The following SAXO1 variants were observed in gnomAD, a reference collection of about 807,000 sequenced individuals.
SAXO1 encodes the protein stabilizer of axonemal microtubules 1.
Under a neutral mutation model 17.5 loss-of-function variants are expected in SAXO1, and 21 were observed. That is an observed-to-expected ratio of 1.20 (90% confidence interval 0.85 to 1.72). The LOEUF is 1.72. SAXO1 is among the 40% of genes most tolerant of loss of function. The probability of loss-of-function intolerance (pLI) is 0.00; values close to 1 mark genes in which losing one functional copy is unlikely to be tolerated. For synonymous variants in SAXO1, 274 were observed against 216.5 expected, an observed-to-expected ratio of 1.27 and a Z score of -2.33; for missense variants, 843 against 596.0, an observed-to-expected ratio of 1.41 and a Z score of -4.32.
chr9:18,948,902 G>C (rs1417924477), intron 2 of SAXO1, among the ~76,000 whole-genome samples: 3 of 152,134 alleles, frequency 2.0e-5, no homozygotes, highest in African/African-American at 7.2e-5. Context: ...CCCACACCTG[G>C]AGACCGAACA....
In SAXO1 at chr9:18,949,038, A is replaced by C. The variant is rs1831916625; in HGVS notation, c.218+1720T>G. Among the ~76,000 whole-genome samples, 7 of 152,336 alleles carry C rather than the reference A, an allele frequency of 4.6e-5. No homozygotes were observed. In the South Asian group the frequency reaches 1.2e-3, roughly 27 times the overall value. On this transcript the variant is annotated intron_variant, in intron 2 of 3. Coordinates refer to ENST00000380534, the MANE Select transcript of SAXO1 (RefSeq NM_153707.4). The stretch of plus-strand genomic sequence containing the variant: ...GTTTCCTAAAACAAAAGCAATGCTC[A>C]GAAATGGTTCACACTTCTTATTATG...
intron 3 of SAXO1, among the ~76,000 whole-genome samples, chr9:18,931,465 A>G (rs147246488): frequency 1.0e-3 from 153 of 152,322 alleles, no homozygotes; most frequent in African/African-American, 3.6e-3. Context: ...AAATTCTGCT[A>G]TGAGCCTTTG....
At chr9:18,939,484 T>C (rs1831455742) in intron 3 of SAXO1, among the ~76,000 whole-genome samples, 1 of 152,262 alleles carries the variant, frequency 6.6e-6, no homozygotes, top group Non-Finnish European at 1.5e-5. Context: ...AAGGCACCCA[T>C]ATAGCATCCA....
chr9:18,940,277 T>C (rs1205328919), intron 3 of SAXO1, among the ~76,000 whole-genome samples: 1 of 152,146 alleles, frequency 6.6e-6, no homozygotes, highest in Non-Finnish European at 1.5e-5. Flanking sequence ...CATTTCAGGG[T>C]ATGATAACAT....
chr9:18,998,489 T>A (rs559048087), intron 1 of SAXO1, among the ~76,000 whole-genome samples: 1 of 152,210 alleles, frequency 6.6e-6, no homozygotes, highest in Non-Finnish European at 1.5e-5. Flanking sequence ...CTATGTCTGA[T>A]TGGTGTACCT....
chr9:19,000,951 A>T (rs1173472402), intron 1 of SAXO1, among the ~76,000 whole-genome samples: 2 of 152,162 alleles, frequency 1.3e-5, no homozygotes, highest in Non-Finnish European at 2.9e-5. Context: ...GTTCTTAGAG[A>T]TCTACAAAGA....
At chr9:19,012,885 C>T (rs571696134) in intron 1 of SAXO1, among the ~76,000 whole-genome samples, 4 of 152,208 alleles carry the variant, frequency 2.6e-5, no homozygotes, top group Admixed American at 6.5e-5. Context: ...GGGGGCTGCT[C>T]TCTCAGGGTG....
intron 1 of SAXO1, among the ~76,000 whole-genome samples, chr9:18,992,853 C>T (rs1833864237): frequency 6.6e-6 from 1 of 152,080 alleles, no homozygotes; most frequent in African/African-American, 2.4e-5. Flanking sequence ...ACCGCAACCT[C>T]CACCTCCCAG....
At chr9:18,998,972 G>A (rs1163426901) in intron 1 of SAXO1, among the ~76,000 whole-genome samples, 1 of 152,084 alleles carries the variant, frequency 6.6e-6, no homozygotes, top group Non-Finnish European at 1.5e-5. Context: ...ATACAGAAAG[G>A]AACAACCAGT....
intron 1 of SAXO1, among the ~76,000 whole-genome samples, chr9:19,013,540 A>ATTTTTTTTTTTTTTTTTTT (rs1219136885): frequency 2.1e-5 from 2 of 93,204 alleles, no homozygotes; most frequent in African/African-American, 4.3e-5. Context: ...AAAAGTACGG[A>ATTTTTTTTTTTTTTTTTTT]TTTTTTTTTT....
chr9:18,991,210 A>G (rs1833796951), intron 1 of SAXO1, among the ~76,000 whole-genome samples: 1 of 152,102 alleles, frequency 6.6e-6, no homozygotes, highest in South Asian at 2.1e-4. Context: ...GTGAGCCAAG[A>G]TTGCACCACT....
At chr9:18,997,637 C>G (rs1423302687) in intron 1 of SAXO1, among the ~76,000 whole-genome samples, 1 of 152,256 alleles carries the variant, frequency 6.6e-6, no homozygotes, top group African/African-American at 2.4e-5. Context: ...CATTCAAGCT[C>G]TGATAACGGA....
intron 3 of SAXO1, among the ~76,000 whole-genome samples, chr9:18,936,053 CAG>C (rs1197741102): frequency 2.0e-5 from 3 of 152,086 alleles, no homozygotes; most frequent in Non-Finnish European, 2.9e-5. Context: ...GGCTGATTTC[CAG>C]AGTCTAGAAA....
chr9:19,010,217 T>G (rs1248750940), intron 1 of SAXO1, among the ~76,000 whole-genome samples: 1 of 152,198 alleles, frequency 6.6e-6, no homozygotes, highest in Non-Finnish European at 1.5e-5. Flanking sequence ...TTCACTTATC[T>G]GCACCTTACC....
intron 1 of SAXO1, among the ~76,000 whole-genome samples, chr9:19,023,893 CTT>C (rs1289481465): frequency 1.3e-5 from 2 of 151,356 alleles, no homozygotes; most frequent in Non-Finnish European, 2.9e-5. Flanking sequence ...CACACCAGCA[CTT>C]TGGGAGTCCG....
At chr9:18,949,805 T>C (rs1282649865) in intron 2 of SAXO1, among the ~76,000 whole-genome samples, 2 of 151,990 alleles carry the variant, frequency 1.3e-5, no homozygotes, top group Non-Finnish European at 2.9e-5. Flanking sequence ...AAGGGAGCAA[T>C]AGGAAGAAAA....
chr9:18,946,479 C>T (rs770732858), intron 2 of SAXO1, among the ~76,000 whole-genome samples: 6 of 151,736 alleles, frequency 4.0e-5, no homozygotes, highest in Admixed American at 6.6e-5. Context: ...GAGATTTGAG[C>T]GGCCACCCAA....
chr9:19,042,709 A>G (rs967450087), intron 1 of SAXO1, among the ~76,000 whole-genome samples: 3 of 152,204 alleles, frequency 2.0e-5, no homozygotes, highest in African/African-American at 7.2e-5. Flanking sequence ...CTAAGAATAC[A>G]AAATTAGCCA....
chr9:19,008,042 A>C (rs1834558397), intron 1 of SAXO1, among the ~76,000 whole-genome samples: 1 of 149,554 alleles, frequency 6.7e-6, no homozygotes, highest in South Asian at 2.1e-4. Flanking sequence ...GTCTCAGCTC[A>C]CTGTAGCATT....
Sources: allele counts gnomAD v4.1 joint callset (sites outside exome capture counted in the v4.1 genomes callset), GRCh38; gene constraint gnomAD v4.1.1; transcripts MANE v1.5; gene names NCBI Gene and HGNC (gene_info 2026-07-23, HGNC 2026-07-21).